Variants in KLHL24 observed in about 807,000 individuals in gnomAD.
KLHL24 encodes the protein kelch like family member 24.
A neutral mutation model predicts 53.4 loss-of-function variants in KLHL24; 29 were observed. The ratio of observed to expected loss-of-function variants is 0.54; its 90% confidence interval spans 0.40 to 0.74. KLHL24 has a LOEUF of 0.74. Ranked by LOEUF, KLHL24 falls within the 30% of genes least tolerant of loss-of-function variation. The probability of loss-of-function intolerance (pLI) is 0.00; values close to 1 mark genes in which losing one functional copy is unlikely to be tolerated. For missense variants in KLHL24, 504 were observed against 744.0 expected (o/e 0.68, Z 3.75); for synonymous variants, 222 against 253.7 (o/e 0.88, Z 1.19).
intron 7 of KLHL24, among the ~76,000 whole-genome samples, chr3:183,677,780 TTTTG>T (rs59547937): frequency 7.9e-5 from 12 of 152,064 alleles, no homozygotes; most frequent in South Asian, 2.1e-4. Context: ...ATGTAGGGTT[TTTTG>T]TTTGTTTGTT....
intron 1 of KLHL24, among the ~76,000 whole-genome samples, chr3:183,641,474 CAAAAAA>C (rs202119480): frequency 5.7e-5 from 4 of 70,268 alleles, no homozygotes; most frequent in Non-Finnish European, 8.3e-5. Context: ...GAGACTGTCT[CAAAAAA>C]AAAAAAAAAA....
chr3:183,652,766 A>G (rs1338980134), intron 3 of KLHL24, among the ~76,000 whole-genome samples: 1 of 152,224 alleles, frequency 6.6e-6, no homozygotes, highest in Non-Finnish European at 1.5e-5. Flanking sequence ...CTGTGTGACT[A>G]TTAGTTCTTC....
At chr3:183,639,802 G>T (rs955156563) in intron 1 of KLHL24, among the ~76,000 whole-genome samples, 3 of 151,898 alleles carry the variant, frequency 2.0e-5, no homozygotes, top group Non-Finnish European at 4.4e-5. Flanking sequence ...TCAGGAGTTC[G>T]AGACCAGCCT....
chr3:183,670,795 T>C (rs1721235975), intron 5 of KLHL24, among the ~76,000 whole-genome samples: 2 of 152,246 alleles, frequency 1.3e-5, no homozygotes, highest in Admixed American at 1.3e-4. Context: ...TCTGTGGTAT[T>C]ACAATTTTAT....
chr3:183,656,176 A>G (rs989810547), intron 3 of KLHL24, among the ~76,000 whole-genome samples: 3 of 149,936 alleles, frequency 2.0e-5, no homozygotes, highest in Non-Finnish European at 4.4e-5. Flanking sequence ...AGCTGGGACT[A>G]CAGGTGTACA....
At chr3:183,674,131 A>G (rs145728341) in intron 7 of KLHL24, among the ~76,000 whole-genome samples, 4 of 151,666 alleles carry the variant, frequency 2.6e-5, no homozygotes, top group East Asian at 1.9e-4. Flanking sequence ...TTCCATTCCT[A>G]TTGTTTCTAT....
intron 5 of KLHL24, among the ~76,000 whole-genome samples, chr3:183,665,734 G>A (rs1053739975): frequency 6.6e-6 from 1 of 151,962 alleles, no homozygotes; most frequent in Middle Eastern, 3.2e-3. Flanking sequence ...TGGCAACAGA[G>A]CGAGACTCCA....
At chr3:183,667,111 C>T (rs1720676536) in intron 5 of KLHL24, among the ~76,000 whole-genome samples, 1 of 152,160 alleles carries the variant, frequency 6.6e-6, no homozygotes, top group Non-Finnish European at 1.5e-5. Flanking sequence ...TCTTTCCCCA[C>T]AGGGGTTTCT....
At chr3:183,644,021 A>ACATTTTTCT (rs1260439030) in intron 2 of KLHL24, 1 of 140,024 alleles carries the variant, frequency 7.1e-6, no homozygotes, top group Non-Finnish European at 1.5e-5. Flanking sequence ...TGATAGGATA[A>ACATTTTTCT]CATTTTTCTT....
chr3:183,636,050 G>T lies in KLHL24; in HGVS notation c.-125+257G>T, dbSNP rs540784378. Among the ~76,000 whole-genome samples, 4 of 152,238 alleles carry T rather than the reference G, an allele frequency of 2.6e-5. No homozygotes were observed. The South Asian group carries it at 8.3e-4, about 32-fold the overall frequency. On this transcript the variant is annotated intron_variant, in intron 1 of 7. Coordinates refer to ENST00000242810, the MANE Select transcript of KLHL24 (RefSeq NM_017644.3). ...TCCTGGCACTACGGCCCGGAACCGC[G>T]GCGCGGCTGGTGCGGCCTGGCTAGG...
chr3:183,678,992 T>G, intron 7 of KLHL24, 94 bp from the exon 8 acceptor site: 1 of 949,628 alleles, frequency 1.1e-6, no homozygotes, highest in East Asian at 2.4e-5. Context: ...TCCCTTTTTT[T>G]TGACTGTGCT....
At chr3:183,664,579 TAAAA>T (rs956562872) in intron 4 of KLHL24, among the ~76,000 whole-genome samples, 8 of 148,640 alleles carry the variant, frequency 5.4e-5, no homozygotes, top group Middle Eastern at 3.5e-3. Flanking sequence ...ATCGGTCAAT[TAAAA>T]AAAAAACCTT....
rs540467687 is a variant in KLHL24, at chr3:183,637,263, G to C, written c.-125+1470G>C. Among the ~76,000 whole-genome samples the C allele has an allele frequency of 2.6e-5, 4 of 152,282 alleles. No homozygotes were observed. In the East Asian group the frequency reaches 7.7e-4, roughly 29 times the overall value. On this transcript the variant is annotated intron_variant, in intron 1 of 7. Coordinates refer to ENST00000242810, the MANE Select transcript of KLHL24 (RefSeq NM_017644.3). Reference sequence around the variant, plus strand: ...TGGTTTTTATTAGGGTTGTAAAATAGATTTAAAATCTGCTTGTTGTTGGCT... The same window carrying C: ...TGGTTTTTATTAGGGTTGTAAAATACATTTAAAATCTGCTTGTTGTTGGCT...
intron 5 of KLHL24, among the ~76,000 whole-genome samples, chr3:183,668,702 C>T (rs1390360281): frequency 6.6e-6 from 1 of 152,098 alleles, no homozygotes; most frequent in African/African-American, 2.4e-5. Context: ...GTCAGGAGTT[C>T]AAGACCAGCC....
intron 7 of KLHL24, among the ~76,000 whole-genome samples, chr3:183,674,037 C>A (rs1721725863): frequency 6.6e-6 from 1 of 152,072 alleles, no homozygotes; most frequent in Non-Finnish European, 1.5e-5. Flanking sequence ...TCTATATTTC[C>A]AATTAACCTA....
At chr3:183,648,015 C>CA (rs1333579751) in intron 2 of KLHL24, among the ~76,000 whole-genome samples, 1 of 151,892 alleles carries the variant, frequency 6.6e-6, no homozygotes, top group Non-Finnish European at 1.5e-5. Context: ...CTCAAAAAAG[C>CA]AAAAACAAAA....
rs578214825 is a variant in KLHL24 at position 183,684,513 on chromosome 3, C to T, written c.*5227C>T. ...ATATGGTTGTATTAAATTTTGTTTA[C>T]GAAAAATTTGTTGTTCTGTTTTATT... On this transcript the variant is annotated 3_prime_UTR_variant, in exon 8 of 8. Coordinates refer to ENST00000242810, the MANE Select transcript of KLHL24 (RefSeq NM_017644.3). The T allele has an allele frequency of 1.1e-4, 16 of 152,368 alleles. No homozygotes were observed. Among genetic ancestry groups the T allele is most frequent in the South Asian group, 6.2e-4 (3 of 4,806 alleles). 9.4% of individuals were successfully genotyped at this position (152,368 alleles called of 1,614,324 possible). A position where few individuals can be genotyped will look rare whatever the true frequency, so the allele number is the denominator to read the frequency against.
At chr3:183,651,303 T>C in intron 3 of KLHL24, 27 bp downstream of exon 3, 1 of 1,558,134 alleles carries the variant, frequency 6.4e-7, no homozygotes, top group Non-Finnish European at 8.8e-7. Context: ...CAAATATAGT[T>C]AACAAAAGTT....
chr3:183,670,656 C>G (rs1421701013), intron 5 of KLHL24, among the ~76,000 whole-genome samples: 1 of 152,020 alleles, frequency 6.6e-6, no homozygotes, highest in Non-Finnish European at 1.5e-5. Flanking sequence ...CTAAATTGTA[C>G]CATTCTCAGT....
Sources: gnomAD v4.1 joint callset for allele counts (sites outside exome capture counted in the v4.1 genomes callset) on GRCh38, gnomAD v4.1.1 for gene constraint, MANE v1.5 for transcripts, NCBI Gene and HGNC (gene_info 2026-07-23, HGNC 2026-07-21) for gene names.